The following CGRRF1 variants were observed in gnomAD, a reference collection of about 807,000 sequenced individuals.
The protein encoded by CGRRF1 is cell growth regulator with ring finger domain 1.
A neutral mutation model predicts 37.2 loss-of-function variants in CGRRF1; 32 were observed. That is an observed-to-expected ratio of 0.86 (90% confidence interval 0.65 to 1.16). CGRRF1 has a LOEUF of 1.16. Ranked by LOEUF, CGRRF1 falls within the 50% of genes most tolerant of loss-of-function variation. The probability of loss-of-function intolerance (pLI) is 0.00; values close to 1 mark genes in which losing one functional copy is unlikely to be tolerated. For synonymous variants in CGRRF1, 141 were observed against 140.3 expected, an observed-to-expected ratio of 1.00 and a Z score of -0.04; for missense variants, 391 against 382.6, an observed-to-expected ratio of 1.02 and a Z score of -0.18.
intron 1 of CGRRF1, among the ~76,000 whole-genome samples, chr14:54,521,259 G>A (rs1178730445): frequency 4.6e-5 from 7 of 151,994 alleles, no homozygotes; most frequent in Admixed American, 2.6e-4. Context: ...TCAGGAGTTC[G>A]AGACCAGCCT....
At chr14:54,524,802 AATAG>A (rs990051258) in intron 2 of CGRRF1, among the ~76,000 whole-genome samples, 5 of 152,142 alleles carry the variant, frequency 3.3e-5, no homozygotes, top group African/African-American at 9.7e-5. Flanking sequence ...CCTTCCCTAT[AATAG>A]ATAACAGTTC....
chr14:54,530,919 AAAG>A lies in CGRRF1; in HGVS notation c.445_447del (p.Glu149del), dbSNP rs748610198. 2 of 1,594,658 alleles carry A rather than the reference AAAG, an allele frequency of 1.3e-6. No individual in the cohort carries two copies. Among genetic ancestry groups the A allele is most frequent in the South Asian group, 2.2e-5 (2 of 90,446 alleles). On this transcript the variant is annotated inframe_deletion, in exon 4 of 6. Coordinates refer to ENST00000216420, the MANE Select transcript of CGRRF1 (RefSeq NM_006568.3). ...TTCAAAAAGTATTAAAAAGGATAGC[AAAG>A]AAGAAATATATTGCCAGTTACCAAG... is the stretch of plus-strand genomic sequence containing the variant.
chr14:54,533,631 T>TA (rs144230845), intron 4 of CGRRF1, among the ~76,000 whole-genome samples: 7,966 of 152,010 alleles, frequency 0.052, 411 homozygotes, highest in East Asian at 0.28. Flanking sequence ...TATATTTTTT[T>TA]AAAAAATTTA....
At chr14:54,531,744 T>C (rs941133340) in intron 4 of CGRRF1, among the ~76,000 whole-genome samples, 1 of 152,174 alleles carries the variant, frequency 6.6e-6, no homozygotes, top group Non-Finnish European at 1.5e-5. Context: ...AGTTGATTCC[T>C]ATTAGGAAGT....
chr14:54,529,900 C>G, intron 2 of CGRRF1, 149 bp from the exon 3 acceptor site: 1 of 518,078 alleles, frequency 1.9e-6, no homozygotes, highest in Non-Finnish European at 3.5e-6. Context: ...CCAGTTCCTT[C>G]GTTTATAGGA....
At chr14:54,523,411 T>C (rs1185059654) in intron 2 of CGRRF1, among the ~76,000 whole-genome samples, 2 of 152,240 alleles carry the variant, frequency 1.3e-5, no homozygotes, top group Non-Finnish European at 2.9e-5. Flanking sequence ...TGCAGGACCA[T>C]ATAGGAACCA....
At chr14:54,535,430 T>C (rs1407990471) in intron 4 of CGRRF1, among the ~76,000 whole-genome samples, 2 of 151,920 alleles carry the variant, frequency 1.3e-5, no homozygotes, top group East Asian at 3.9e-4. Context: ...TTTGTTTGTC[T>C]GATTTTTCTT....
intron 1 of CGRRF1, among the ~76,000 whole-genome samples, chr14:54,514,794 A>G (rs946324143): frequency 2.0e-5 from 3 of 152,188 alleles, no homozygotes; most frequent in Non-Finnish European, 4.4e-5. Context: ...ATTTTGACAC[A>G]TATGTCTTCA....
chr14:54,514,373 C>A (rs1338225594), intron 1 of CGRRF1, among the ~76,000 whole-genome samples: 2 of 152,176 alleles, frequency 1.3e-5, no homozygotes, highest in Non-Finnish European at 2.9e-5. Context: ...AGCGTTAACT[C>A]ATACTTGTTT....
In CGRRF1 at chr14:54,538,300, C is replaced by G. The variant is rs754391931; in HGVS notation, c.916C>G (p.Pro306Ala). The change falls in exon 6 of 6, where the codon CCA becomes GCA. Residue 306 changes from proline (P) to alanine (A), a missense_variant. Coordinates refer to ENST00000216420, the MANE Select transcript of CGRRF1 (RefSeq NM_006568.3). ...CTGTGTGAAGTATTTTCAGCAGTGC[C>G]CAATGTGCAGGCAGTTTGTTCAGGA... is the stretch of plus-strand genomic sequence containing the variant. ...DGCVKYFQQC[P>A]MCRQFVQESF... The G allele has an allele frequency of 1.2e-6, 2 of 1,614,072 alleles. No homozygotes were observed. The highest frequency in any genetic ancestry group is 4.5e-5 in the East Asian group (2 of 44,876).
At chr14:54,535,549 A>G (rs1246040437) in intron 4 of CGRRF1, among the ~76,000 whole-genome samples, 2 of 152,088 alleles carry the variant, frequency 1.3e-5, no homozygotes, top group Admixed American at 6.6e-5. Flanking sequence ...CTAATTGGTC[A>G]TGTTAATTTT....
chr14:54,531,128 AAG>A, intron 4 of CGRRF1, 78 bp downstream of exon 4: 1 of 1,199,046 alleles, frequency 8.3e-7, no homozygotes, highest in Non-Finnish European at 1.2e-6. Context: ...TAAATAGAAA[AAG>A]TTTTATTTTA....
intron 1 of CGRRF1, among the ~76,000 whole-genome samples, chr14:54,516,559 C>T (rs568482595): frequency 3.9e-5 from 6 of 152,026 alleles, no homozygotes; most frequent in African/African-American, 1.4e-4. Flanking sequence ...CTTTGGCTAC[C>T]GTAGCATATC....
intron 2 of CGRRF1, among the ~76,000 whole-genome samples, chr14:54,527,303 C>T (rs1180068727): frequency 1.3e-5 from 2 of 152,006 alleles, no homozygotes; most frequent in Admixed American, 6.6e-5. Flanking sequence ...ATTACATTCT[C>T]CCCTCAGTTT....
intron 3 of CGRRF1, 98 bp downstream of exon 3, chr14:54,530,324 A>T: frequency 7.4e-7 from 1 of 1,350,684 alleles, no homozygotes; most frequent in Non-Finnish European, 1.0e-6. Context: ...TACTAGAAGC[A>T]TGTTTATTGC....
chr14:54,524,240 G>A (rs1328481889), intron 2 of CGRRF1, among the ~76,000 whole-genome samples: 1 of 152,078 alleles, frequency 6.6e-6, no homozygotes, highest in Non-Finnish European at 1.5e-5. Context: ...GCAACGTCCT[G>A]CTCCCTTGCG....
At chr14:54,528,488 TTG>T (rs1178178925) in intron 2 of CGRRF1, among the ~76,000 whole-genome samples, 1 of 152,160 alleles carries the variant, frequency 6.6e-6, no homozygotes, top group Non-Finnish European at 1.5e-5. Context: ...AATAATCATT[TTG>T]TGTTTCTTGT....
At chr14:54,530,369 C>T in intron 3 of CGRRF1, 143 bp downstream of exon 3, 2 of 1,123,330 alleles carry the variant, frequency 1.8e-6, no homozygotes, top group Non-Finnish European at 2.6e-6. Flanking sequence ...TTAGAAGATG[C>T]TCTGTGGAGT....
intron 1 of CGRRF1, among the ~76,000 whole-genome samples, chr14:54,513,449 A>G (rs934096735): frequency 3.9e-5 from 6 of 152,152 alleles, no homozygotes; most frequent in South Asian, 2.1e-4. Flanking sequence ...CAAATGACAA[A>G]CTCAGGTCTT....
Sources: allele counts gnomAD v4.1 joint callset (sites outside exome capture counted in the v4.1 genomes callset), GRCh38; gene constraint gnomAD v4.1.1; transcripts MANE v1.5; gene names NCBI Gene and HGNC (gene_info 2026-07-23, HGNC 2026-07-21).